Variants in PPP1CA observed in about 807,000 individuals in gnomAD.
PPP1CA encodes serine/threonine-protein phosphatase PP1-alpha catalytic subunit.
Under a neutral mutation model 38.5 loss-of-function variants are expected in PPP1CA, and 14 were observed. The observed-to-expected ratio is 0.36, with a 90% CI of 0.24 to 0.57. The LOEUF is 0.57. PPP1CA is among the 20% of genes least tolerant of loss of function. The pLI is 0.80. For missense variants in PPP1CA, 277 were observed against 435.2 expected (o/e 0.64, Z 3.23); for synonymous variants, 200 against 177.3 (o/e 1.13, Z -1.02).
intron 4 of PPP1CA, 73 bp from the exon 5 acceptor site, chr11:67,399,236 C>A (rs1304506689): frequency 3.7e-5 from 48 of 1,301,842 alleles, no homozygotes; most frequent in Non-Finnish European, 4.5e-5. Flanking sequence ...CCAATGAACC[C>A]CACCTTTCCC....
chr11:67,401,488 C>T (rs1044731990), intron 1 of PPP1CA: 7 of 584,626 alleles, frequency 1.2e-5, no homozygotes, highest in Non-Finnish European at 2.0e-5. Context: ...TTCTCCCTCG[C>T]CCCAAGAGCC....
Position 67,398,366 on chromosome 11 carries a change from G to A in PPP1CA, c.*169C>T, listed in dbSNP as rs548763392. The A allele has an allele frequency of 2.0e-5, 14 of 688,278 alleles. No individual in the cohort carries two copies. The highest frequency in any genetic ancestry group is 5.4e-5 in the African/African-American group (3 of 55,452). The allele number at this position is 688,278 out of a possible 1,614,324, so 42.6% of individuals were successfully genotyped here. On this transcript the variant is annotated 3_prime_UTR_variant, in exon 7 of 7. Coordinates refer to ENST00000376745, the MANE Select transcript of PPP1CA (RefSeq NM_002708.4). ...GTGCAGGCAGGAAGCAGCCCTGGGG[G>A]ACTGGACGCTGCTATTGATTCATTA...
In PPP1CA at chr11:67,398,538, T is replaced by G. The variant is rs1862793714; in HGVS notation, c.990A>C (p.Lys330Asn). The G allele has an allele frequency of 3.1e-6, 5 of 1,613,828 alleles. No homozygotes were observed. Among genetic ancestry groups the G allele is most frequent in the Non-Finnish European group, 4.2e-6 (5 of 1,179,824 alleles). The change falls in exon 7 of 7, where the codon AAA (lysine) becomes AAC (asparagine). Residue 330 changes from lysine (K) to asparagine (N), a missense_variant. Lys to Asn is a moderately conservative substitution (Grantham distance 94). Around this residue, in one of 3 missense-constraint regions of PPP1CA, gnomAD observed 53 missense variants for 51.1 expected, o/e 1.04. Transcript: ENST00000376745. Reference sequence around the variant, plus strand: ...GGCACAGGGTGGTGTGCGGGGGCTATTTCTTGGCTTTGGCGGAATTGCGGG... The same window carrying G: ...GGCACAGGGTGGTGTGCGGGGGCTAGTTCTTGGCTTTGGCGGAATTGCGGG... ...TPPRNSAKAK[K>N]
chr11:67,399,765 G>A (rs556754300), intron 3 of PPP1CA, 100 bp from the exon 4 acceptor site: 18 of 879,126 alleles, frequency 2.0e-5, no homozygotes, highest in South Asian at 1.3e-4. Context: ...GTCAGGCACC[G>A]ATGCAAACCA....
chr11:67,399,096 G>A lies in PPP1CA; in HGVS notation c.591C>T (p.Asp197=), dbSNP rs1165203100. The A allele has an allele frequency of 3.7e-6, 6 of 1,613,536 alleles. No homozygotes were observed. Among genetic ancestry groups the A allele is most frequent in the South Asian group, 1.1e-5 (1 of 91,088 alleles). Residue 197 remains aspartate, a synonymous_variant, in exon 5 of 7, where the codon GAC becomes GAT. Coordinates refer to ENST00000376745, the MANE Select transcript of PPP1CA (RefSeq NM_002708.4). The part of the protein sequence containing the change: ...RRIMRPTDVP[D]QGLLCDLLWS... ...ACAGCAGGTCACACAGCAGGCCCTG[G>A]TCAGGCACATCTGTGGGCCGCATGA...
chr11:67,401,245 G>A (rs1293977734), intron 1 of PPP1CA, 46 bp from the exon 2 acceptor site: 1 of 1,607,078 alleles, frequency 6.2e-7, no homozygotes, highest in African/African-American at 1.3e-5. Context: ...GACAGGAGGA[G>A]GGTGGGCGAC....
At chr11:67,400,580 G>T (rs541681068) in intron 3 of PPP1CA, 109 bp downstream of exon 3, 2 of 1,101,980 alleles carry the variant, frequency 1.8e-6, no homozygotes, top group Admixed American at 1.9e-5. Context: ...TTCGTGGAGC[G>T]CACAGTCTAT....
rs558125838 is a variant in PPP1CA, at chr11:67,401,367, G to A, written c.56-168C>T. 8 of 1,188,982 alleles carry A rather than the reference G, an allele frequency of 6.7e-6. No individual in the cohort carries two copies. The South Asian group carries it at 1.2e-4, about 18-fold the overall frequency. The allele number at this position is 1,188,982 out of a possible 1,614,324, so 73.7% of individuals were successfully genotyped here. ...CGGGACCGCGGCCTCAAGCCTCCCA[G>A]GGGAAGCCCCCAGCTACCCTCAGCG... On this transcript the variant is annotated intron_variant, in intron 1 of 6. Transcript: ENST00000376745.
chr11:67,398,427 T>TC lies in PPP1CA; in HGVS notation c.*107dup. 1 of 1,076,938 alleles carries TC rather than the reference T, an allele frequency of 9.3e-7. No individual in the cohort carries two copies. The highest frequency in any genetic ancestry group is 2.5e-5 in the East Asian group (1 of 40,750). 66.7% of individuals were successfully genotyped at this position (1,076,938 alleles called of 1,614,324 possible). A position where few individuals can be genotyped will look rare whatever the true frequency, so the allele number is the denominator to read the frequency against. On this transcript the variant is annotated 3_prime_UTR_variant, in exon 7 of 7. Transcript: ENST00000376745. Reference sequence around the variant, plus strand: ...AGAAAAATACACCAAGGCTCCATGTTCCCCGTGACAGGTGGGCCTGAGGGG... The same window carrying TC: ...AGAAAAATACACCAAGGCTCCATGTTCCCCCGTGACAGGTGGGCCTGAGGGG...
intron 3 of PPP1CA, among the ~76,000 whole-genome samples, chr11:67,400,119 A>G (rs991789948): frequency 6.6e-6 from 1 of 152,222 alleles, no homozygotes; most frequent in African/African-American, 2.4e-5. Context: ...CCTGGGCAAC[A>G]AGAGTGAAAC....
rs764271086 is a variant in PPP1CA, at chr11:67,398,310, G to A, written c.*225C>T. 1.8e-5 allele frequency: 10 copies of A among 564,378 alleles called. No individual in the cohort carries two copies. Among genetic ancestry groups the A allele is most frequent in the South Asian group, 9.1e-5 (4 of 43,846 alleles). The allele number at this position is 564,378 out of a possible 1,614,324, so 35.0% of individuals were successfully genotyped here. ...TGCCGTTGCCCTGAGCTGCAGCCTC[G>A]GCCCCAGGATCCTGCTCACAGTCAC... is the stretch of plus-strand genomic sequence containing the variant. On this transcript the variant is annotated 3_prime_UTR_variant, in exon 7 of 7. Coordinates refer to ENST00000376745, the MANE Select transcript of PPP1CA (RefSeq NM_002708.4).
At position 67,398,323 on chromosome 11, in the gene PPP1CA, T is replaced by G. The variant is rs1324713795; in HGVS notation, c.*212A>C. On this transcript the variant is annotated 3_prime_UTR_variant, in exon 7 of 7. Transcript: ENST00000376745. ...AGCTGCAGCCTCGGCCCCAGGATCC[T>G]GCTCACAGTCACCGCAGGTGCAGGC... 2 of 592,454 alleles carry G rather than the reference T, an allele frequency of 3.4e-6. No individual in the cohort carries two copies. Among genetic ancestry groups the G allele is most frequent in the East Asian group, 3.0e-5 (1 of 33,854 alleles). 36.7% of individuals were successfully genotyped at this position (592,454 alleles called of 1,614,324 possible).
At chr11:67,401,668 T>C in intron 1 of PPP1CA, 60 bp downstream of exon 1, 2 of 1,272,428 alleles carry the variant, frequency 1.6e-6, no homozygotes, top group South Asian at 2.5e-5. Flanking sequence ...CGCGCGCCAC[T>C]TCCGGGCCGG....
intron 3 of PPP1CA, 116 bp from the exon 4 acceptor site, chr11:67,399,781 C>A (rs542558028): frequency 1.3e-5 from 9 of 717,356 alleles, no homozygotes; most frequent in African/African-American, 1.2e-4. Context: ...AACCACCCCC[C>A]ACCCCTGCCA....
chr11:67,401,407 T>A, intron 1 of PPP1CA: 1 of 831,564 alleles, frequency 1.2e-6, no homozygotes, highest in Non-Finnish European at 1.8e-6. Context: ...GGGAGGCGAC[T>A]GTCGTGCGCA....
At position 67,401,709 on chromosome 11, in the gene PPP1CA, C is replaced by T. The variant is rs1353451765; in HGVS notation, c.55+19G>A. On this transcript the variant is annotated intron_variant, in intron 1 of 6. Coordinates refer to ENST00000376745, the MANE Select transcript of PPP1CA (RefSeq NM_002708.4). The stretch of plus-strand genomic sequence containing the variant: ...GGGCCAGGGCGCGGCGGACGCGGGC[C>T]TCCCCCGCCCCGACCAACCTTCCAG... 15 of 1,423,288 alleles carry T rather than the reference C, an allele frequency of 1.1e-5. No homozygotes were observed. Among genetic ancestry groups the T allele is most frequent in the African/African-American group, 1.5e-5 (1 of 67,642 alleles). 88.2% of individuals were successfully genotyped at this position (1,423,288 alleles called of 1,614,324 possible).
At chr11:67,401,410 C>G in intron 1 of PPP1CA, 1 of 809,372 alleles carries the variant, frequency 1.2e-6, no homozygotes, top group Non-Finnish European at 1.9e-6. Flanking sequence ...AGGCGACTGT[C>G]GTGCGCAGGG....
At position 67,401,078 on chromosome 11, in the gene PPP1CA, G is replaced by A; in HGVS notation, c.177C>T (p.Leu59=). The A allele has an allele frequency of 6.2e-7, 1 of 1,613,846 alleles. No individual in the cohort carries two copies. The highest frequency in any genetic ancestry group is 2.2e-5 in the East Asian group (1 of 44,884). Residue 59 remains leucine (L), a synonymous_variant, in exon 2 of 7, where the codon CTC becomes CTT. Coordinates refer to ENST00000376745, the MANE Select transcript of PPP1CA (RefSeq NM_002708.4). ...GGGCCGGGGGCTCACCGCAGATCTT[G>A]AGGGGTGCCTCCAGCTCCAGAAGAA... ...QPILLELEAP[L]KICGDIHGQY...
chr11:67,399,965 G>C (rs189053006), intron 3 of PPP1CA, among the ~76,000 whole-genome samples: 1 of 152,214 alleles, frequency 6.6e-6, no homozygotes, highest in African/African-American at 2.4e-5. Flanking sequence ...GAGAAACCTC[G>C]TCTCTACTAA....
Sources: allele counts gnomAD v4.1 joint callset (sites outside exome capture counted in the v4.1 genomes callset), GRCh38; gene constraint gnomAD v4.1.1; regional missense constraint gnomAD v4.1.1; transcripts MANE v1.5; gene names NCBI Gene and HGNC (gene_info 2026-07-23, HGNC 2026-07-21).